The following UPF3A variants were observed in gnomAD, a reference collection of about 807,000 sequenced individuals.
UPF3A encodes UPF3A regulator of nonsense mediated mRNA decay.
Under a neutral mutation model 53.5 loss-of-function variants are expected in UPF3A, and 42 were observed. The ratio of observed to expected loss-of-function variants is 0.78; its 90% CI spans 0.61 to 1.01. The LOEUF (loss-of-function observed/expected upper bound fraction) is 1.01. UPF3A is among the 50% of genes least tolerant of loss of function. The pLI, the probability that UPF3A is intolerant of heterozygous loss-of-function variation, is 0.00. For missense variants in UPF3A, 575 were observed against 598.0 expected, an observed-to-expected ratio of 0.96 and a Z score of 0.40; for synonymous variants, 237 against 225.3, an observed-to-expected ratio of 1.05 and a Z score of -0.47.
At chr13:114,302,064 T>C in intron 9 of UPF3A, 39 bp downstream of exon 9, 1 of 1,491,302 alleles carries the variant, frequency 6.7e-7, no homozygotes, top group South Asian at 1.4e-5. Context: ...TGTCTGGCTG[T>C]CTTAAGGTCC....
At chr13:114,282,214 T>C in intron 2 of UPF3A, 87 bp downstream of exon 2, 1 of 1,151,974 alleles carries the variant, frequency 8.7e-7, no homozygotes, top group Non-Finnish European at 1.2e-6. Context: ...TTCCTTACCC[T>C]GATTTCTCCT....
At chr13:114,299,931 C>T (rs1462840448) in intron 8 of UPF3A, among the ~76,000 whole-genome samples, 2 of 152,232 alleles carry the variant, frequency 1.3e-5, no homozygotes, top group Non-Finnish European at 2.9e-5. Flanking sequence ...CACTGCCTTT[C>T]GTTCAGAGTT....
chr13:114,291,678 A>C lies in UPF3A; in HGVS notation c.732A>C (p.Leu244Phe). The change falls in exon 7 of 10, where the codon TTA (leucine) becomes TTC (phenylalanine). Residue 244 changes from leucine (L) to phenylalanine (F), a missense_variant. Around this residue, in one of 2 missense-constraint regions of UPF3A, gnomAD observed 323 missense variants for 415.2 expected, o/e 0.78. Transcript: ENST00000375299. ...GAGAAGAACGGAGGAGGAGAGAGTT[A>C]GAAAAGAAACGTTTGCGGGAAGAGG... is the stretch of plus-strand genomic sequence containing the variant. ...EKREERRRRE[L>F]EKKRLREEEK... The C allele has an allele frequency of 6.2e-7, 1 of 1,607,882 alleles. No homozygotes were observed. Among genetic ancestry groups the C allele is most frequent in the East Asian group, 2.2e-5 (1 of 44,860 alleles).
chr13:114,294,870 T>C (rs1044032658), intron 7 of UPF3A, among the ~76,000 whole-genome samples: 2 of 148,146 alleles, frequency 1.4e-5, no homozygotes, highest in Non-Finnish European at 3.0e-5. Context: ...CCTGGCACTT[T>C]GGGAGGCCGA....
chr13:114,303,186 C>A (rs2086749920), intron 9 of UPF3A, among the ~76,000 whole-genome samples: 1 of 152,196 alleles, frequency 6.6e-6, no homozygotes, highest in South Asian at 2.1e-4. Flanking sequence ...CTCTAGAATA[C>A]TCCAGTTCTC....
chr13:114,297,222 GT>G lies in UPF3A; in HGVS notation c.847-1604del, dbSNP rs1181794334. On this transcript the variant is annotated intron_variant, in intron 7 of 9. Transcript: ENST00000375299. ...CAAATGATCTGTCTGTGGTGCTTCC[GT>G]TTTTTTTTTTTTTCTCCCTTTTCTC... 2.1e-3 allele frequency among the ~76,000 whole-genome samples: 259 copies of G among 124,568 alleles called. 3 individuals carry two copies. In the East Asian group the frequency reaches 0.022, roughly 11 times the overall value. The allele number at this position is 124,568 out of a possible 152,430, so 81.7% of individuals were successfully genotyped here. A position where few individuals can be genotyped will look rare whatever the true frequency, so the allele number is the denominator to read the frequency against.
At chr13:114,294,819 C>T (rs377666110) in intron 7 of UPF3A, among the ~76,000 whole-genome samples, 85 of 148,722 alleles carry the variant, frequency 5.7e-4, no homozygotes, top group East Asian at 3.6e-3. Context: ...AGCGAGACTC[C>T]GTCTCAAAAA....
intron 5 of UPF3A, among the ~76,000 whole-genome samples, chr13:114,290,063 A>G (rs1566741334): frequency 6.6e-6 from 1 of 152,150 alleles, no homozygotes; most frequent in African/African-American, 2.4e-5. Context: ...TACCTGAGCC[A>G]GTGTGCTGTA....
chr13:114,286,614 A>G lies in UPF3A; in HGVS notation c.616A>G (p.Thr206Ala). The change falls in exon 5 of 10, where the codon ACA (threonine) becomes GCA (alanine). Residue 206 changes from threonine to alanine, a missense_variant. Transcript: ENST00000375299. ...TCTGCTGGGGGAGATGGAGGCGAAGACAAGAGAGCTCATTGGTCTGTTTTG... is the reference window on the plus strand; with the variant it reads ...TCTGCTGGGGGAGATGGAGGCGAAGGCAAGAGAGCTCATTGGTCTGTTTTG... Reference protein sequence around the residue: ...ETLLGEMEAKTRELIARRTTP... With the variant: ...ETLLGEMEAKARELIARRTTP... 6.2e-7 allele frequency: 1 copy of G among 1,612,928 alleles called. No individual in the cohort carries two copies. Among genetic ancestry groups the G allele is most frequent in the Admixed American group, 1.7e-5 (1 of 59,766 alleles).
At chr13:114,302,296 TA>T (rs1263325655) in intron 9 of UPF3A, among the ~76,000 whole-genome samples, 19 of 152,302 alleles carry the variant, frequency 1.2e-4, no homozygotes, top group Admixed American at 1.2e-3. Flanking sequence ...ATAAGATTAT[TA>T]AATTTACCCT....
chr13:114,284,751 C>T (rs559483709), intron 3 of UPF3A, among the ~76,000 whole-genome samples: 22 of 152,020 alleles, frequency 1.4e-4, no homozygotes, highest in East Asian at 1.4e-3. Context: ...ACAGTGACTG[C>T]GCCATTTTAG....
chr13:114,295,354 G>A (rs963234286), intron 7 of UPF3A, among the ~76,000 whole-genome samples: 3 of 130,144 alleles, frequency 2.3e-5, no homozygotes, highest in East Asian at 2.1e-4. Context: ...TCCCCAGCTC[G>A]TCTCCAGCGG....
intron 1 of UPF3A, 43 bp from the exon 2 acceptor site, chr13:114,281,978 T>C: frequency 6.6e-7 from 1 of 1,519,890 alleles, no homozygotes; most frequent in Non-Finnish European, 8.8e-7. Flanking sequence ...GAGCTCCTTG[T>C]CCACGCTCCG....
intron 9 of UPF3A, among the ~76,000 whole-genome samples, chr13:114,303,734 C>G (rs2086797398): frequency 6.6e-6 from 1 of 152,026 alleles, no homozygotes; most frequent in Non-Finnish European, 1.5e-5. Flanking sequence ...TGCAGCGAGC[C>G]CAGATTGCGC....
In UPF3A at chr13:114,282,872, A is replaced by T; in HGVS notation, c.350A>T (p.Asn117Ile). 2 of 1,611,596 alleles carry T rather than the reference A, an allele frequency of 1.2e-6. No individual in the cohort carries two copies. Among genetic ancestry groups the T allele is most frequent in the Non-Finnish European group, 8.5e-7 (1 of 1,178,482 alleles). ...CATCTCTACTCAAGAGCATACATTA[A>T]TTTTAGGAATCCTGATGACATCCTT... Reference protein sequence around the residue: ...YPHLYSRAYINFRNPDDILLF... With the variant: ...YPHLYSRAYIIFRNPDDILLF... Residue 117 changes from asparagine to isoleucine, a missense_variant, in exon 3 of 10, where the codon AAT (asparagine) becomes ATT (isoleucine). Asn to Ile is a moderately radical substitution (Grantham distance 149, BLOSUM62 -3). Transcript: ENST00000375299.
chr13:114,294,988 T>C (rs1594806392), intron 7 of UPF3A, among the ~76,000 whole-genome samples: 1 of 151,568 alleles, frequency 6.6e-6, no homozygotes, highest in East Asian at 1.9e-4. Context: ...GGCGGGAGCC[T>C]GTAGTCCCAG....
chr13:114,295,517 G>A (rs1355352206), intron 7 of UPF3A, among the ~76,000 whole-genome samples: 1 of 152,110 alleles, frequency 6.6e-6, no homozygotes, highest in Non-Finnish European at 1.5e-5. Context: ...CCCCAGATGT[G>A]CCCGTGGCTC....
rs747818618 is a variant in UPF3A at position 114,298,908 on chromosome 13, T to G, written c.915T>G (p.Ile305Met). ...AACCAAAAGAAAGAGGAGAGGAGAT[T>G]GATACTGGAGGTGGCAAGCAGGAAT... ...TEKPKERGEEIDTGGGKQESC... is the reference protein window; with the variant it reads ...TEKPKERGEEMDTGGGKQESC... The change falls in exon 8 of 10, where the codon ATT becomes ATG. Residue 305 changes from isoleucine to methionine, a missense_variant. Physicochemically the swap from Ile to Met is conservative, Grantham distance 10. Around this residue, in one of 2 missense-constraint regions of UPF3A, gnomAD observed 323 missense variants for 415.2 expected, o/e 0.78. Coordinates refer to ENST00000375299, the MANE Select transcript of UPF3A (RefSeq NM_023011.4). The G allele has an allele frequency of 1.2e-6, 2 of 1,605,238 alleles. No homozygotes were observed. The highest frequency in any genetic ancestry group is 1.3e-5 in the African/African-American group (1 of 74,308).
At chr13:114,295,340 C>G (rs6560950) in intron 7 of UPF3A, among the ~76,000 whole-genome samples, 4,330 of 74,982 alleles carry the variant, frequency 0.058, 130 homozygotes, top group South Asian at 0.17. Context: ...CAGCTCTGGC[C>G]TGCTCCCCAG....
Sources: gnomAD v4.1 joint callset for allele counts (sites outside exome capture counted in the v4.1 genomes callset) on GRCh38, gnomAD v4.1.1 for gene constraint, gnomAD v4.1.1 regional missense constraint, MANE v1.5 for transcripts, NCBI Gene and HGNC (gene_info 2026-07-23, HGNC 2026-07-21) for gene names.